The following PDE4D variants were observed in gnomAD, a reference collection of about 807,000 sequenced individuals.
PDE4D encodes the protein phosphodiesterase 4D.
In PDE4D, 24 loss-of-function variants were observed where a neutral mutation model predicts 87.4. The observed-to-expected ratio is 0.27, with a 90% CI of 0.20 to 0.39. The LOEUF (loss-of-function observed/expected upper bound fraction) is 0.39, where lower values mean the gene tolerates loss of function less well. Among genes scored for constraint, PDE4D ranks in the 10% least tolerant of loss-of-function variants. The probability of loss-of-function intolerance (pLI) is 1.00; values close to 1 mark genes in which losing one functional copy is unlikely to be tolerated. For missense variants in PDE4D, 714 were observed against 1,041.0 expected (o/e 0.69, Z 4.32); for synonymous variants, 384 against 383.2 (o/e 1.00, Z -0.02).
At chr5:59,677,492 T>A (rs1748294575) in intron 1 of PDE4D, among the ~76,000 whole-genome samples, 1 of 152,216 alleles carries the variant, frequency 6.6e-6, no homozygotes, top group African/African-American at 2.4e-5. Context: ...CACAGAAAGC[T>A]AAGTTGCACT....
At chr5:60,214,534 C>A (rs142446116) in intron 1 of PDE4D, among the ~76,000 whole-genome samples, 9 of 151,896 alleles carry the variant, frequency 5.9e-5, no homozygotes, top group African/African-American at 1.9e-4. Context: ...TACTAGATAC[C>A]AATTTAATAA....
chr5:59,324,339 C>T (rs1775264298), intron 1 of PDE4D, among the ~76,000 whole-genome samples: 3 of 152,146 alleles, frequency 2.0e-5, no homozygotes, highest in Admixed American at 2.0e-4. Context: ...ATTCAAATAT[C>T]CACCTACCCT....
chr5:60,040,655 G>A (rs1768374346), intron 2 of PDE4D, among the ~76,000 whole-genome samples: 1 of 152,062 alleles, frequency 6.6e-6, no homozygotes, highest in Non-Finnish European at 1.5e-5. Flanking sequence ...GACCAATTGT[G>A]TACTATACAT....
At chr5:59,452,819 T>C (rs1799368549) in intron 1 of PDE4D, among the ~76,000 whole-genome samples, 1 of 152,242 alleles carries the variant, frequency 6.6e-6, no homozygotes. Flanking sequence ...CTAAAGATTT[T>C]CTTCCAGTCC....
intron 1 of PDE4D, among the ~76,000 whole-genome samples, chr5:60,404,091 T>TAG (rs1741316897): frequency 6.6e-6 from 1 of 151,714 alleles, no homozygotes; most frequent in South Asian, 2.1e-4. Context: ...AAAAAAGATC[T>TAG]AGAGAGATTT....
At chr5:59,960,360 A>G (rs897346584) in intron 3 of PDE4D, among the ~76,000 whole-genome samples, 4 of 152,176 alleles carry the variant, frequency 2.6e-5, no homozygotes, top group Non-Finnish European at 4.4e-5. Flanking sequence ...TATAATACCA[A>G]AGGAAAATAA....
intron 3 of PDE4D, among the ~76,000 whole-genome samples, chr5:59,979,948 G>T (rs1201459841): frequency 6.6e-6 from 1 of 151,772 alleles, no homozygotes; most frequent in Admixed American, 6.6e-5. Context: ...CTCATTTGTA[G>T]AGAAAAAAAG....
At chr5:59,407,304 G>A (rs1025813665) in intron 1 of PDE4D, among the ~76,000 whole-genome samples, 1 of 152,186 alleles carries the variant, frequency 6.6e-6, no homozygotes, top group African/African-American at 2.4e-5. Flanking sequence ...ATGATTGAAA[G>A]CTCCCTGAGG....
chr5:60,289,301 G>T (rs1281948160), intron 1 of PDE4D, among the ~76,000 whole-genome samples: 1 of 152,130 alleles, frequency 6.6e-6, no homozygotes, highest in African/African-American at 2.4e-5. Context: ...AGAATGCAAA[G>T]TCCAGTATGT....
At chr5:60,391,555 T>A (rs1231777371) in intron 1 of PDE4D, among the ~76,000 whole-genome samples, 1 of 152,228 alleles carries the variant, frequency 6.6e-6, no homozygotes, top group Non-Finnish European at 1.5e-5. Context: ...TGGCCCTTTT[T>A]TCCATTTTTA....
intron 1 of PDE4D, among the ~76,000 whole-genome samples, chr5:59,781,930 A>C (rs1764678448): frequency 6.6e-6 from 1 of 152,050 alleles, no homozygotes; most frequent in South Asian, 2.1e-4. Context: ...TGGGAATAAC[A>C]TGTCATTTTA....
intron 1 of PDE4D, among the ~76,000 whole-genome samples, chr5:60,351,402 G>T (rs1405472624): frequency 3.9e-5 from 6 of 152,086 alleles, no homozygotes; most frequent in Non-Finnish European, 4.4e-5. Context: ...CAAAATTCTG[G>T]CCAAAGAGAT....
At chr5:59,139,259 C>T (rs1276656412) in intron 5 of PDE4D, among the ~76,000 whole-genome samples, 7 of 152,180 alleles carry the variant, frequency 4.6e-5, no homozygotes, top group Admixed American at 3.9e-4. Flanking sequence ...TGGTATCTCA[C>T]ACAATTACTC....
At chr5:59,591,187 A>T (rs1407753251) in intron 1 of PDE4D, among the ~76,000 whole-genome samples, 1 of 152,226 alleles carries the variant, frequency 6.6e-6, no homozygotes, top group Non-Finnish European at 1.5e-5. Flanking sequence ...AAAATGTAAC[A>T]GTAGAAATAC....
At position 58,975,615 on chromosome 5, in the gene PDE4D, G is replaced by A. The variant is rs763096706; in HGVS notation, c.2013+42C>T. On this transcript the variant is annotated intron_variant, in intron 14 of 14. Coordinates refer to ENST00000340635, the MANE Select transcript of PDE4D (RefSeq NM_001104631.2). The surrounding 1 kb of genome is among the most constrained non-coding windows in gnomAD (Gnocchi z 4.2). ...TACAAAGTAACCAAATGCTAAAGCGGTAGCTCTGTTCTCTCTGAAAGCTAT... is the reference window on the plus strand; with the variant it reads ...TACAAAGTAACCAAATGCTAAAGCGATAGCTCTGTTCTCTCTGAAAGCTAT... The A allele has an allele frequency of 2.9e-6, 4 of 1,399,408 alleles. No individual in the cohort carries two copies. Among genetic ancestry groups the A allele is most frequent in the Non-Finnish European group, 1.9e-6 (2 of 1,054,484 alleles). 86.7% of individuals were successfully genotyped at this position (1,399,408 alleles called of 1,614,324 possible).
chr5:59,697,967 G>T (rs1404605633), intron 1 of PDE4D, among the ~76,000 whole-genome samples: 3 of 152,122 alleles, frequency 2.0e-5, no homozygotes, highest in Admixed American at 6.6e-5. Flanking sequence ...ATCAGTTTCA[G>T]CATTGTGAAC....
rs1232165959 is a variant in PDE4D, at chr5:60,332,169, G to T, written c.-89-146482C>A. Among the ~76,000 whole-genome samples the T allele has an allele frequency of 3.3e-5, 5 of 152,254 alleles. No individual in the cohort carries two copies. In the East Asian group the frequency reaches 7.7e-4, roughly 23 times the overall value. On this transcript the variant is annotated intron_variant, in intron 1 of 16. Coordinates refer to the PDE4D transcript ENST00000502484. ...AAATTTAAGCCTAAGTCCAAACATT[G>T]AATTTTTTTTAAAATTTAAATTTAA...
At chr5:60,257,516 A>G (rs1342167069) in intron 1 of PDE4D, among the ~76,000 whole-genome samples, 1 of 152,100 alleles carries the variant, frequency 6.6e-6, no homozygotes, top group East Asian at 1.9e-4. Flanking sequence ...TCCTGTTTTC[A>G]AAGGAGCCCT....
intron 1 of PDE4D, among the ~76,000 whole-genome samples, chr5:60,340,976 A>G (rs1229989565): frequency 2.0e-5 from 3 of 152,204 alleles, no homozygotes; most frequent in Non-Finnish European, 4.4e-5. Context: ...TATTCTCTAG[A>G]GAGCTGTTTT....
Sources: gnomAD v4.1 joint callset for allele counts (sites outside exome capture counted in the v4.1 genomes callset) on GRCh38, gnomAD v4.1.1 for gene constraint, Gnocchi (gnomAD v3.1) non-coding constraint, MANE v1.5 for transcripts, NCBI Gene and HGNC (gene_info 2026-07-23, HGNC 2026-07-21) for gene names.